The following USH1C variants were observed in gnomAD, a reference collection of about 807,000 sequenced individuals.
USH1C encodes the protein USH1 protein network component harmonin.
USH1C carries 90 observed loss-of-function variants against 119.3 expected under a neutral mutation model. The ratio of observed to expected loss-of-function variants is 0.75; its 90% CI spans 0.64 to 0.90. The LOEUF is 0.90. Among genes scored for constraint, USH1C ranks in the 40% least tolerant of loss-of-function variants. USH1C has a pLI of 0.00. For synonymous variants in USH1C, 465 were observed against 443.3 expected, an observed-to-expected ratio of 1.05 and a Z score of -0.62; for missense variants, 1,165 against 1,167.7, an observed-to-expected ratio of 1.00 and a Z score of 0.03.
chr11:17,496,631 T>C, intron 25 of USH1C, 127 bp downstream of exon 25: 1 of 1,171,926 alleles, frequency 8.5e-7, no homozygotes, highest in East Asian at 2.5e-5. Flanking sequence ...GAGCTCTGGC[T>C]ATGAGAAGCT....
chr11:17,523,269 T>G lies in USH1C; in HGVS notation c.820-2A>C, dbSNP rs200702266. The G allele has an allele frequency of 6.2e-7, 1 of 1,614,148 alleles. No homozygotes were observed. Among genetic ancestry groups the G allele is most frequent in the East Asian group, 2.2e-5 (1 of 44,868 alleles). The stretch of plus-strand genomic sequence containing the variant: ...GCTACTCTTCAGCACATTTACAGCC[T>G]GTGGGGACAGAAGGACAGTGGGCCG... On this transcript the variant is annotated splice_acceptor_variant, in intron 10 of 26. Coordinates refer to ENST00000005226, the MANE Select transcript of USH1C (RefSeq NM_153676.4). LOFTEE classifies it high-confidence loss of function.
At chr11:17,521,801 G>A (rs1212969562) in intron 12 of USH1C, among the ~76,000 whole-genome samples, 2 of 152,120 alleles carry the variant, frequency 1.3e-5, no homozygotes, top group East Asian at 3.9e-4. Flanking sequence ...GGGGAGATGG[G>A]GACAGCCTTT....
At position 17,517,536 on chromosome 11, in the gene USH1C, G is replaced by A. The variant is rs1227563447; in HGVS notation, c.1211-1246C>T. The A allele has an allele frequency of 2.2e-5, 33 of 1,507,346 alleles. No homozygotes were observed. The East Asian group carries it at 3.7e-4, about 17-fold the overall frequency. 93.4% of individuals were successfully genotyped at this position (1,507,346 alleles called of 1,614,324 possible). ...AAGGGACTTGGGAGCCCAAGAGGCC[G>A]GAGAACCTTCTCAGGAGTTTGGGGA... is the stretch of plus-strand genomic sequence containing the variant. On this transcript the variant is annotated intron_variant, in intron 14 of 26. Coordinates refer to ENST00000005226, the MANE Select transcript of USH1C (RefSeq NM_153676.4).
At chr11:17,523,709 T>G (rs1850530721) in intron 9 of USH1C, among the ~76,000 whole-genome samples, 1 of 152,194 alleles carries the variant, frequency 6.6e-6, no homozygotes, top group African/African-American at 2.4e-5. Flanking sequence ...CTATCAAATA[T>G]TATACCATTA....
At chr11:17,535,268 G>C (rs938490466) in intron 1 of USH1C, among the ~76,000 whole-genome samples, 6 of 152,058 alleles carry the variant, frequency 3.9e-5, no homozygotes, top group African/African-American at 1.4e-4. Flanking sequence ...TGGCTACAAA[G>C]TCCTCCTTTC....
intron 1 of USH1C, among the ~76,000 whole-genome samples, chr11:17,541,606 G>A (rs1851469099): frequency 6.6e-6 from 1 of 152,364 alleles, no homozygotes; most frequent in East Asian, 1.9e-4. Flanking sequence ...CCCTTTGAAA[G>A]CTGGTTCTCT....
At chr11:17,527,101 A>T (rs1850723954) in intron 5 of USH1C, 61 bp from the exon 6 acceptor site, 14 of 972,620 alleles carry the variant, frequency 1.4e-5, no homozygotes, top group Non-Finnish European at 1.8e-5. Flanking sequence ...TCCCACCGTC[A>T]TGGAGTACTG....
chr11:17,517,305 T>C (rs975237468), intron 14 of USH1C: 8 of 1,281,892 alleles, frequency 6.2e-6, no homozygotes, highest in African/African-American at 1.5e-5. Flanking sequence ...CCACACATGC[T>C]GGGCCCCTGA....
At chr11:17,494,498 T>C in intron 26 of USH1C, 122 bp from the exon 27 acceptor site, 2 of 1,103,330 alleles carry the variant, frequency 1.8e-6, no homozygotes, top group South Asian at 2.7e-5. Flanking sequence ...CTGCCACCCT[T>C]TGGAGACCCC....
At chr11:17,529,836 T>C (rs1190244415) in intron 4 of USH1C, among the ~76,000 whole-genome samples, 1 of 152,180 alleles carries the variant, frequency 6.6e-6, no homozygotes, top group African/African-American at 2.4e-5. Context: ...AAGGTAAAAC[T>C]GTAGGTCTCA....
intron 25 of USH1C, among the ~76,000 whole-genome samples, chr11:17,496,200 G>C (rs1467141554): frequency 1.3e-5 from 2 of 152,042 alleles, no homozygotes; most frequent in African/African-American, 4.8e-5. Context: ...AAGACAGAGA[G>C]GGAGGAGGAG....
rs368639867 is a variant in USH1C at position 17,510,506 on chromosome 11, G to C, written c.1429C>G (p.Arg477Gly). ...RLAQEVSETE[R>G]EDLEESEKIQ... ...TTTTCCGATTCTTCAAGGTCTTCCC[G>C]CTCTGTCTCAGACACCTGGGACCCA... is the stretch of plus-strand genomic sequence containing the variant. The change falls in exon 17 of 27, where the codon CGG (arginine) becomes GGG (glycine). Residue 477 changes from arginine (R) to glycine (G), a missense_variant. Transcript: ENST00000005226. 84 of 1,613,844 alleles carry C rather than the reference G, an allele frequency of 5.2e-5. No homozygotes were observed. The highest frequency in any genetic ancestry group is 6.6e-5 in the Non-Finnish European group (78 of 1,179,950).
chr11:17,536,694 G>C (rs1218951202), intron 1 of USH1C, among the ~76,000 whole-genome samples: 3 of 152,182 alleles, frequency 2.0e-5, no homozygotes, highest in African/African-American at 4.8e-5. Flanking sequence ...TTCTGCCATT[G>C]CTCGCTTCAC....
In USH1C at chr11:17,521,076, C is replaced by G. The variant is rs370569665; in HGVS notation, c.1086-82G>C. ...CTGCATATCGGAGAGCCCCAGCCAG[C>G]CTGGGGAGAAGCCTCATGGTTCTAG... On this transcript the variant is annotated intron_variant, in intron 13 of 26. Coordinates refer to ENST00000005226, the MANE Select transcript of USH1C (RefSeq NM_153676.4). The G allele has an allele frequency of 5.7e-6, 9 of 1,580,008 alleles. No individual in the cohort carries two copies. In the East Asian group the frequency reaches 1.3e-4, roughly 24 times the overall value.
intron 1 of USH1C, among the ~76,000 whole-genome samples, chr11:17,539,788 GTC>G (rs959293304): frequency 6.7e-6 from 1 of 149,228 alleles, no homozygotes; most frequent in African/African-American, 2.5e-5. Flanking sequence ...CTCTGTCTCT[GTC>G]TCTCTCTCTT....
At chr11:17,532,407 C>T (rs925366566) in intron 2 of USH1C, among the ~76,000 whole-genome samples, 1 of 152,242 alleles carries the variant, frequency 6.6e-6, no homozygotes, top group South Asian at 2.1e-4. Flanking sequence ...AGGTGATATT[C>T]CCACCTCAGT....
chr11:17,506,142 G>C (rs1358666271), intron 18 of USH1C, among the ~76,000 whole-genome samples, 193 bp from the exon 19 acceptor site: 1 of 152,230 alleles, frequency 6.6e-6, no homozygotes, highest in African/African-American at 2.4e-5. Flanking sequence ...AGTGTGGGCT[G>C]AGATCACAGA....
intron 18 of USH1C, among the ~76,000 whole-genome samples, chr11:17,506,510 C>T (rs1187485466): frequency 6.6e-6 from 1 of 152,190 alleles, no homozygotes; most frequent in African/African-American, 2.4e-5. Flanking sequence ...CCCCCAAACC[C>T]TCCCCAGTGT....
intron 19 of USH1C, 115 bp from the exon 20 acceptor site, chr11:17,504,812 C>G (rs892303634): frequency 1.9e-6 from 2 of 1,064,614 alleles, no homozygotes; most frequent in African/African-American, 3.1e-5. Context: ...AATGTCCCTC[C>G]CCGAGCAGTC....
Sources: allele counts gnomAD v4.1 joint callset (sites outside exome capture counted in the v4.1 genomes callset), GRCh38; gene constraint gnomAD v4.1.1; transcripts MANE v1.5; gene names NCBI Gene and HGNC (gene_info 2026-07-23, HGNC 2026-07-21).